Variants in RIMS2 observed in about 807,000 individuals in gnomAD.
RIMS2 encodes regulating synaptic membrane exocytosis 2.
A neutral mutation model predicts 174.4 loss-of-function variants in RIMS2; 59 were observed. The ratio of observed to expected loss-of-function variants is 0.34; its 90% CI spans 0.27 to 0.42. The LOEUF is 0.42. Ranked by LOEUF, RIMS2 falls within the 10% of genes least tolerant of loss-of-function variation. RIMS2 has a pLI of 1.00. For synonymous variants in RIMS2, 606 were observed against 572.5 expected, an observed-to-expected ratio of 1.06 and a Z score of -0.84; for missense variants, 1,620 against 1,666.3, an observed-to-expected ratio of 0.97 and a Z score of 0.48.
Position 104,108,131 on chromosome 8 carries a change from A to G in RIMS2, c.3334+93516A>G, listed in dbSNP as rs183561978. Among the ~76,000 whole-genome samples, 247 of 152,188 alleles carry G rather than the reference A, an allele frequency of 1.6e-3. 3 individuals carry two copies. Among genetic ancestry groups the G allele is most frequent in the Non-Finnish European group, 7.8e-4 (53 of 67,994 alleles). On this transcript the variant is annotated intron_variant, in intron 19 of 23. Transcript: ENST00000504942. The stretch of plus-strand genomic sequence containing the variant: ...GAATAGTCATTTCCCTCATCTTTTC[A>G]TCTTTCAAAAGAATTCTCTTTACAC...
intron 15 of RIMS2, among the ~76,000 whole-genome samples, chr8:103,973,887 A>T (rs375167579): frequency 3.3e-5 from 5 of 152,096 alleles, no homozygotes; most frequent in African/African-American, 1.2e-4. Context: ...GTTGTTAACA[A>T]CTCACAGCTG....
At chr8:103,669,803 C>T (rs1333491370) in intron 1 of RIMS2, among the ~76,000 whole-genome samples, 1 of 152,238 alleles carries the variant, frequency 6.6e-6, no homozygotes. Flanking sequence ...AGAGCCCCTT[C>T]CGGCTGCTTT....
At chr8:104,106,574 T>G (rs185509775) in intron 19 of RIMS2, among the ~76,000 whole-genome samples, 1 of 152,306 alleles carries the variant, frequency 6.6e-6, no homozygotes, top group Admixed American at 6.5e-5. Flanking sequence ...TCACATTTAA[T>G]TTCTAACATT....
At chr8:103,983,389 A>C (rs2154549485) in intron 16 of RIMS2, among the ~76,000 whole-genome samples, 1 of 152,342 alleles carries the variant, frequency 6.6e-6, no homozygotes, top group Non-Finnish European at 1.5e-5. Context: ...CAGAAATTGA[A>C]GAAATAATTC....
chr8:103,593,966 A>AT (rs2094380087), intron 1 of RIMS2, among the ~76,000 whole-genome samples: 1 of 151,626 alleles, frequency 6.6e-6, no homozygotes, highest in African/African-American at 2.4e-5. Flanking sequence ...AACTGATGAA[A>AT]TAGAGGAAAG....
intron 19 of RIMS2, among the ~76,000 whole-genome samples, chr8:104,047,076 GA>G (rs1399749968): frequency 1.3e-5 from 2 of 151,868 alleles, no homozygotes; most frequent in Non-Finnish European, 2.9e-5. Context: ...TCAAATAAAA[GA>G]AAAGAGTTAA....
At chr8:103,879,358 A>G (rs1034745671) in intron 3 of RIMS2, among the ~76,000 whole-genome samples, 9 of 151,592 alleles carry the variant, frequency 5.9e-5, no homozygotes, top group African/African-American at 2.2e-4. Flanking sequence ...AAGGATTGCT[A>G]TTAACTGCAA....
At chr8:103,977,751 C>T (rs915949266) in intron 16 of RIMS2, among the ~76,000 whole-genome samples, 2 of 152,184 alleles carry the variant, frequency 1.3e-5, no homozygotes, top group Admixed American at 6.5e-5. Context: ...TCCATAGCCC[C>T]TCTCCTTAGT....
At chr8:103,817,248 A>G (rs962024832) in intron 3 of RIMS2, among the ~76,000 whole-genome samples, 2 of 152,184 alleles carry the variant, frequency 1.3e-5, no homozygotes, top group African/African-American at 4.8e-5. Context: ...ATTTGCTCTA[A>G]CTAAAATACC....
intron 3 of RIMS2, among the ~76,000 whole-genome samples, chr8:103,846,109 G>A (rs537707655): frequency 2.0e-5 from 3 of 152,198 alleles, no homozygotes; most frequent in Admixed American, 2.0e-4. Context: ...TTTTAATTAA[G>A]TTTGTGTGAA....
rs996368111 is a variant in RIMS2 at position 103,544,879 on chromosome 8, G to GA, written c.176+43826dup. 1.1e-4 allele frequency among the ~76,000 whole-genome samples: 17 copies of GA among 150,530 alleles called. No homozygotes were observed. The Middle Eastern group carries it at 0.01, about 90-fold the overall frequency. On this transcript the variant is annotated intron_variant, in intron 1 of 23. Coordinates refer to ENST00000504942, the Ensembl canonical transcript of RIMS2. ...ATCAAGGGCATCAAAGAAGATATAA[G>GA]AAAAAAAAACACATCCAAAGAACAA...
chr8:104,065,439 A>T (rs774310891), intron 19 of RIMS2, among the ~76,000 whole-genome samples: 1 of 152,150 alleles, frequency 6.6e-6, no homozygotes, highest in African/African-American at 2.4e-5. Context: ...TTTTTCTTAG[A>T]TAGAGCAAAG....
At chr8:103,691,208 G>A (rs1019901188) in intron 1 of RIMS2, among the ~76,000 whole-genome samples, 12 of 152,074 alleles carry the variant, frequency 7.9e-5, no homozygotes, top group African/African-American at 2.2e-4. Flanking sequence ...TAACTTGCTT[G>A]TGCTCGAATA....
intron 1 of RIMS2, chr8:103,501,339 C>T (rs1261725125): frequency 9.8e-6 from 2 of 204,084 alleles, no homozygotes; most frequent in Non-Finnish European, 2.0e-5. Flanking sequence ...GATTTCCTCG[C>T]TGGTCATCTT....
chr8:104,166,071 T>C (rs2098795373), intron 19 of RIMS2, among the ~76,000 whole-genome samples: 1 of 98,086 alleles, frequency 1.0e-5, no homozygotes, highest in Admixed American at 1.1e-4. Context: ...TTTTTTTTTT[T>C]TTTTTTTTTT....
chr8:103,927,898 C>T (rs757165536), intron 11 of RIMS2: 2 of 1,603,566 alleles, frequency 1.2e-6, no homozygotes, highest in South Asian at 1.1e-5. Flanking sequence ...AGGTAAAGGC[C>T]TTGTCTGCCT....
chr8:103,622,933 G>T (rs2095669704), intron 1 of RIMS2, among the ~76,000 whole-genome samples: 1 of 152,176 alleles, frequency 6.6e-6, no homozygotes, highest in African/African-American at 2.4e-5. Flanking sequence ...TTCTGAACAG[G>T]ATGGCTGTCA....
At chr8:104,168,682 T>C (rs775675922) in intron 19 of RIMS2, among the ~76,000 whole-genome samples, 6 of 152,180 alleles carry the variant, frequency 3.9e-5, no homozygotes, top group Non-Finnish European at 8.8e-5. Flanking sequence ...TCCAGTACTA[T>C]GTTGAATAGA....
At chr8:104,107,129 A>G (rs981836535) in intron 19 of RIMS2, among the ~76,000 whole-genome samples, 4 of 151,968 alleles carry the variant, frequency 2.6e-5, no homozygotes, top group African/African-American at 7.2e-5. Flanking sequence ...AACCCTTTGC[A>G]CTTCTCCTTG....
Sources: gnomAD v4.1 joint callset for allele counts (sites outside exome capture counted in the v4.1 genomes callset) on GRCh38, gnomAD v4.1.1 for gene constraint, MANE v1.5 for transcripts, NCBI Gene and HGNC (gene_info 2026-07-23, HGNC 2026-07-21) for gene names.